COL11A1: variants seen among roughly 807,000 people sequenced by gnomAD.
COL11A1 encodes the protein collagen type XI alpha 1 chain.
Under a neutral mutation model 265.2 loss-of-function variants are expected in COL11A1, and 74 were observed. That is an observed-to-expected ratio of 0.28 (90% confidence interval 0.23 to 0.34). The LOEUF (loss-of-function observed/expected upper bound fraction) is 0.34. Among genes scored for constraint, COL11A1 ranks in the 10% least tolerant of loss-of-function variants. The pLI is 1.00. For missense variants in COL11A1, 2,165 were observed against 2,263.6 expected (o/e 0.96, Z 0.88); for synonymous variants, 816 against 727.6 (o/e 1.12, Z -1.96).
chr1:103,043,242 C>T (rs932892645), intron 4 of COL11A1, among the ~76,000 whole-genome samples: 4 of 145,106 alleles, frequency 2.8e-5, no homozygotes, highest in African/African-American at 7.7e-5. Flanking sequence ...ATATGAAATA[C>T]ATCATATATA....
At chr1:103,095,061 C>A (rs116195286) in intron 1 of COL11A1, among the ~76,000 whole-genome samples, 1,858 of 152,100 alleles carry the variant, frequency 0.012, 44 homozygotes, top group African/African-American at 0.043. Context: ...CTCAGAACAC[C>A]TGAATTAACA....
intron 4 of COL11A1, among the ~76,000 whole-genome samples, chr1:103,035,369 C>CCACAAAAATGAGCAACATTACAT (rs1668283493): frequency 6.6e-6 from 1 of 151,980 alleles, no homozygotes; most frequent in Non-Finnish European, 1.5e-5. Flanking sequence ...CTCATTATCA[C>CCACAAAAATGAGCAACATTACAT]CACAAAAATG....
chr1:102,968,737 T>C (rs1661674313), intron 37 of COL11A1, among the ~76,000 whole-genome samples: 1 of 152,150 alleles, frequency 6.6e-6, no homozygotes, highest in African/African-American at 2.4e-5. Context: ...TTTTCAGAAA[T>C]AATCCTGGCT....
chr1:103,014,571 G>A lies in COL11A1; in HGVS notation c.1512C>T (p.Ser504=), dbSNP rs774727660. The change falls in exon 13 of 67, where the codon TCC becomes TCT. Residue 504 remains serine (S), a synonymous_variant. Transcript: ENST00000370096. ...CCTGAGCAGAGATGGTTGGTCCTTT[G>A]GAACCATCACCACCATAACGGAACT... is the stretch of plus-strand genomic sequence containing the variant. ...MLPFRYGGDG[S]KGPTISAQEA... 3 of 1,613,556 alleles carry A rather than the reference G, an allele frequency of 1.9e-6. No homozygotes were observed. The highest frequency in any genetic ancestry group is 2.5e-6 in the Non-Finnish European group (3 of 1,179,674).
intron 46 of COL11A1, among the ~76,000 whole-genome samples, chr1:102,928,542 A>G (rs529617596): frequency 8.5e-5 from 13 of 152,278 alleles, no homozygotes; most frequent in East Asian, 1.9e-4. Context: ...GCTGTTGTCA[A>G]TAGTGCTACA....
chr1:102,929,450 T>C (rs1347430384), intron 46 of COL11A1, among the ~76,000 whole-genome samples: 2 of 152,006 alleles, frequency 1.3e-5, no homozygotes, highest in African/African-American at 2.4e-5. Context: ...CATTGATCTA[T>C]ATCTCTGTTT....
intron 4 of COL11A1, among the ~76,000 whole-genome samples, chr1:103,053,853 T>A (rs192040328): frequency 1.3e-5 from 2 of 152,250 alleles, no homozygotes; most frequent in Non-Finnish European, 2.9e-5. Context: ...TGCTAAAAGA[T>A]ACTATCATGT....
intron 1 of COL11A1, among the ~76,000 whole-genome samples, chr1:103,095,116 A>C (rs896104342): frequency 2.6e-5 from 4 of 152,050 alleles, no homozygotes; most frequent in Admixed American, 6.6e-5. Flanking sequence ...ACTGTGTAGA[A>C]TTTGGCTCTT....
chr1:102,880,376 C>G (rs1650082544), intron 65 of COL11A1, among the ~76,000 whole-genome samples: 1 of 151,974 alleles, frequency 6.6e-6, no homozygotes, highest in African/African-American at 2.4e-5. Flanking sequence ...TCAACTTTAC[C>G]CAAATCTGTA....
rs1649545101 is a variant in COL11A1 at position 102,876,732 on chromosome 1, A to T, written c.*1287T>A. The stretch of plus-strand genomic sequence containing the variant: ...ATATATTACTTAAAATAGATACAAA[A>T]TTCAGTTTTTAATTTTTAAATTGTA... On this transcript the variant is annotated 3_prime_UTR_variant, in exon 67 of 67. Coordinates refer to ENST00000370096, the MANE Select transcript of COL11A1 (RefSeq NM_001854.4). 1 of 152,406 alleles carries T rather than the reference A, an allele frequency of 6.6e-6. No individual in the cohort carries two copies. Among genetic ancestry groups the T allele is most frequent in the Admixed American group, 6.6e-5 (1 of 15,250 alleles). The allele number at this position is 152,406 out of a possible 1,614,324, so 9.4% of individuals were successfully genotyped here. A position where few individuals can be genotyped will look rare whatever the true frequency, so the allele number is the denominator to read the frequency against.
At chr1:102,974,786 A>G (rs1384069350) in intron 36 of COL11A1, 44 bp downstream of exon 36, 1 of 1,496,714 alleles carries the variant, frequency 6.7e-7, no homozygotes, top group Admixed American at 1.7e-5. Context: ...CAAAAATGTA[A>G]AAATATCAAA....
intron 20 of COL11A1, 22 bp from the exon 21 acceptor site, chr1:103,003,290 C>A (rs771148807): frequency 1.2e-6 from 2 of 1,607,184 alleles, no homozygotes; most frequent in Non-Finnish European, 1.7e-6. Context: ...AGAAAAAGCA[C>A]GCCTTTATTA....
intron 54 of COL11A1, among the ~76,000 whole-genome samples, chr1:102,908,258 G>A (rs534733575): frequency 1.3e-5 from 2 of 151,928 alleles, no homozygotes; most frequent in South Asian, 2.1e-4. Context: ...TAATTTGTAA[G>A]AAATACTTAG....
intron 15 of COL11A1, among the ~76,000 whole-genome samples, chr1:103,006,526 A>AGTTT (rs1665630656): frequency 1.2e-5 from 1 of 82,864 alleles, no homozygotes; most frequent in Non-Finnish European, 2.1e-5. Context: ...AAATGGCTCC[A>AGTTT]TTTTTTTTTT....
At position 102,933,490 on chromosome 1, in the gene COL11A1, T is replaced by A. The variant is rs1221871201; in HGVS notation, c.3600+959A>T. ...GCGTGCTGGGAGAACCACTGCTCTC[T>A]TAAAAGCTTTCAGACAGGGACATTT... On this transcript the variant is annotated intron_variant, in intron 46 of 66. Coordinates refer to ENST00000370096, the MANE Select transcript of COL11A1 (RefSeq NM_001854.4). Among the ~76,000 whole-genome samples the A allele has an allele frequency of 2.0e-5, 3 of 151,800 alleles. No individual in the cohort carries two copies. In the East Asian group the frequency reaches 5.9e-4, roughly 30 times the overall value.
chr1:102,888,624 C>T lies in COL11A1; in HGVS notation c.4561G>A (p.Ala1521Thr), dbSNP rs769920499. 30 of 1,613,524 alleles carry T rather than the reference C, an allele frequency of 1.9e-5. No individual in the cohort carries two copies. The highest frequency in any genetic ancestry group is 8.3e-5 in the Admixed American group (5 of 59,940). The change falls in exon 62 of 67, where the codon GCT becomes ACT. Residue 1521 changes from alanine (A) to threonine (T), a missense_variant. Ala to Thr is a moderately conservative substitution (Grantham distance 58, BLOSUM62 0). Coordinates refer to ENST00000370096, the MANE Select transcript of COL11A1 (RefSeq NM_001854.4). Reference sequence around the variant, plus strand: ...AGACCACTGTCACCTTTCTGGCCAGCGGGTCCCTGTTAGAAAGAAGAGAGA... The same window carrying T: ...AGACCACTGTCACCTTTCTGGCCAGTGGGTCCCTGTTAGAAAGAAGAGAGA... ...PKGNKGSTGP[A>T]GQKGDSGLPG...
chr1:102,985,489 C>T (rs891091079), intron 30 of COL11A1, among the ~76,000 whole-genome samples: 1 of 152,074 alleles, frequency 6.6e-6, no homozygotes, highest in Non-Finnish European at 1.5e-5. Context: ...GCTTGTTTTA[C>T]ACCATCAATT....
intron 28 of COL11A1, among the ~76,000 whole-genome samples, chr1:102,993,502 A>G: frequency 6.6e-6 from 1 of 152,040 alleles, no homozygotes; most frequent in East Asian, 1.9e-4. Context: ...TGCTATATAA[A>G]TAGTTGTTAT....
chr1:102,893,902 T>C (rs1350043845), intron 57 of COL11A1, among the ~76,000 whole-genome samples: 1 of 152,170 alleles, frequency 6.6e-6, no homozygotes, highest in African/African-American at 2.4e-5. Context: ...AGAAATAAAC[T>C]CTAATTCAGT....
Sources: gnomAD v4.1 joint callset for allele counts (sites outside exome capture counted in the v4.1 genomes callset) on GRCh38, gnomAD v4.1.1 for gene constraint, MANE v1.5 for transcripts, NCBI Gene and HGNC (gene_info 2026-07-23, HGNC 2026-07-21) for gene names.